CTNNA3: variants seen among roughly 807,000 people sequenced by gnomAD.
The protein encoded by CTNNA3 is catenin alpha 3, also known as catenin alpha-3.
In CTNNA3, 76 loss-of-function variants were observed where a neutral mutation model predicts 95.7. The observed-to-expected ratio is 0.79, with a 90% CI of 0.66 to 0.96. The LOEUF (loss-of-function observed/expected upper bound fraction) is 0.96, where lower values mean the gene tolerates loss of function less well. Among genes scored for constraint, CTNNA3 ranks in the 40% least tolerant of loss-of-function variants. CTNNA3 has a pLI of 0.00. For missense variants in CTNNA3, 1,191 were observed against 1,089.8 expected, an observed-to-expected ratio of 1.09 and a Z score of -1.31; for synonymous variants, 431 against 374.4, an observed-to-expected ratio of 1.15 and a Z score of -1.74.
chr10:67,052,314 C>CTCTG (rs1491225688), intron 7 of CTNNA3, among the ~76,000 whole-genome samples: 2 of 27,414 alleles, frequency 7.3e-5, no homozygotes, highest in African/African-American at 2.7e-4. Flanking sequence ...CCACTCATCA[C>CTCTG]TCTCTCTCTC....
At chr10:67,392,495 T>C (rs1312875830) in intron 5 of CTNNA3, among the ~76,000 whole-genome samples, 1 of 152,240 alleles carries the variant, frequency 6.6e-6, no homozygotes, top group East Asian at 1.9e-4. Context: ...GAAGTCAGTG[T>C]GGTGATTCCT....
At chr10:66,994,327 C>T (rs1851208826) in intron 7 of CTNNA3, among the ~76,000 whole-genome samples, 4 of 152,204 alleles carry the variant, frequency 2.6e-5, no homozygotes. Context: ...TTGCTAATCA[C>T]ACCTTTAGCT....
chr10:66,875,395 TA>T (rs76999620), intron 7 of CTNNA3, among the ~76,000 whole-genome samples: 243 of 146,896 alleles, frequency 1.7e-3, no homozygotes, highest in Middle Eastern at 3.5e-3. Flanking sequence ...CACTGTTATT[TA>T]AAAAAAAAAA....
intron 9 of CTNNA3, among the ~76,000 whole-genome samples, chr10:66,647,427 A>G (rs1564592392): frequency 2.0e-5 from 3 of 152,184 alleles, no homozygotes; most frequent in Non-Finnish European, 4.4e-5. Flanking sequence ...TTTGGGGAAA[A>G]GAAGACTACA....
At chr10:66,266,018 A>AAAAG (rs200169184) in intron 13 of CTNNA3, among the ~76,000 whole-genome samples, 1 of 151,446 alleles carries the variant, frequency 6.6e-6, no homozygotes, top group Non-Finnish European at 1.5e-5. Context: ...GGATAAAAGA[A>AAAAG]AAAGAAAGAA....
At chr10:66,258,941 C>G (rs942273253) in intron 13 of CTNNA3, among the ~76,000 whole-genome samples, 2 of 152,136 alleles carry the variant, frequency 1.3e-5, no homozygotes, top group Non-Finnish European at 2.9e-5. Context: ...AATTTTCAAA[C>G]AAGCCACATG....
chr10:67,311,391 G>A (rs1413002064), intron 5 of CTNNA3, among the ~76,000 whole-genome samples: 2 of 152,096 alleles, frequency 1.3e-5, no homozygotes, highest in Non-Finnish European at 2.9e-5. Flanking sequence ...CTTTAAACAA[G>A]AAAAATGGTA....
At chr10:66,775,626 G>T in intron 7 of CTNNA3, 102 bp from the exon 8 acceptor site, 2 of 787,232 alleles carry the variant, frequency 2.5e-6, no homozygotes, top group Non-Finnish European at 4.2e-6. Context: ...TGAAATTCAA[G>T]AATAGGTTTC....
chr10:66,482,512 G>A (rs896051057), intron 11 of CTNNA3, among the ~76,000 whole-genome samples: 4 of 152,118 alleles, frequency 2.6e-5, no homozygotes, highest in African/African-American at 9.7e-5. Context: ...CTGCTTTTAA[G>A]TAGGAGATTT....
intron 14 of CTNNA3, among the ~76,000 whole-genome samples, chr10:66,070,885 C>T (rs1325660219): frequency 1.3e-5 from 2 of 152,108 alleles, no homozygotes; most frequent in Non-Finnish European, 2.9e-5. Context: ...TGGTGAATTA[C>T]AACAGACATT....
chr10:66,585,077 A>T (rs551952044), intron 10 of CTNNA3, among the ~76,000 whole-genome samples: 13 of 152,116 alleles, frequency 8.5e-5, no homozygotes, highest in Non-Finnish European at 1.8e-4. Context: ...TTTCTGTTAT[A>T]GGTTACCTGA....
chr10:66,657,201 T>A (rs2394272), intron 9 of CTNNA3, among the ~76,000 whole-genome samples: 1 of 151,936 alleles, frequency 6.6e-6, no homozygotes, highest in African/African-American at 2.4e-5. Context: ...GACATTGTAA[T>A]CTTGATTTGG....
chr10:66,445,613 C>G (rs572721371), intron 11 of CTNNA3, among the ~76,000 whole-genome samples: 1 of 152,174 alleles, frequency 6.6e-6, no homozygotes, highest in South Asian at 2.1e-4. Context: ...TAAAGATGTT[C>G]TTTGAAACCA....
At chr10:66,907,592 G>C (rs1462094012) in intron 7 of CTNNA3, among the ~76,000 whole-genome samples, 1 of 152,062 alleles carries the variant, frequency 6.6e-6, no homozygotes, top group African/African-American at 2.4e-5. Context: ...CAGACTTCTA[G>C]CTCTCAATAT....
intron 9 of CTNNA3, among the ~76,000 whole-genome samples, chr10:66,639,978 G>C (rs1845461680): frequency 6.6e-6 from 1 of 151,892 alleles, no homozygotes. Flanking sequence ...CTCTCTCTCT[G>C]TCTGTATAGC....
intron 9 of CTNNA3, among the ~76,000 whole-genome samples, chr10:66,687,049 T>A (rs934658599): frequency 4.6e-5 from 7 of 152,134 alleles, no homozygotes; most frequent in Non-Finnish European, 7.4e-5. Flanking sequence ...TACTTTATAC[T>A]TAATAGGTTC....
chr10:66,526,426 A>G (rs1012253060), intron 10 of CTNNA3, among the ~76,000 whole-genome samples: 5 of 152,118 alleles, frequency 3.3e-5, no homozygotes, highest in African/African-American at 1.2e-4. Context: ...AGCTCAGGTG[A>G]TCTACTGGCC....
intron 10 of CTNNA3, among the ~76,000 whole-genome samples, chr10:66,565,332 A>T (rs966636022): frequency 2.0e-5 from 3 of 152,166 alleles, no homozygotes; most frequent in African/African-American, 7.2e-5. Context: ...GAAATAAGTA[A>T]AATGTGTAGG....
chr10:67,277,483 CA>C (rs1481680885), intron 5 of CTNNA3, among the ~76,000 whole-genome samples: 1 of 152,122 alleles, frequency 6.6e-6, no homozygotes, highest in Non-Finnish European at 1.5e-5. Context: ...TCCTTGGCAG[CA>C]TGGTAGTGTC....
Sources: gnomAD v4.1 joint callset for allele counts (sites outside exome capture counted in the v4.1 genomes callset) on GRCh38, gnomAD v4.1.1 for gene constraint, MANE v1.5 for transcripts, NCBI Gene and HGNC (gene_info 2026-07-23, HGNC 2026-07-21) for gene names.